The following RNFT2 variants were observed in gnomAD, a reference collection of about 807,000 sequenced individuals.
The protein encoded by RNFT2 is ring finger protein, transmembrane 2.
RNFT2 carries 36 observed loss-of-function variants against 53.0 expected under a neutral mutation model. The ratio of observed to expected loss-of-function variants is 0.68; its 90% confidence interval spans 0.52 to 0.90. The LOEUF (loss-of-function observed/expected upper bound fraction) is 0.90, where lower values mean the gene tolerates loss of function less well. Ranked by LOEUF, RNFT2 falls within the 40% of genes least tolerant of loss-of-function variation. RNFT2 has a pLI of 0.00. For missense variants in RNFT2, 514 were observed against 585.6 expected, an observed-to-expected ratio of 0.88 and a Z score of 1.26; for synonymous variants, 260 against 253.2, an observed-to-expected ratio of 1.03 and a Z score of -0.26.
At chr12:116,814,416 G>A (rs1875537164) in intron 7 of RNFT2, among the ~76,000 whole-genome samples, 1 of 152,144 alleles carries the variant, frequency 6.6e-6, no homozygotes, top group African/African-American at 2.4e-5. Flanking sequence ...TTAGACAGTG[G>A]TGGGGGGTAG....
intron 7 of RNFT2, among the ~76,000 whole-genome samples, chr12:116,805,223 G>A (rs934519705): frequency 6.7e-6 from 1 of 150,104 alleles, no homozygotes; most frequent in African/African-American, 2.5e-5. Flanking sequence ...ACTTCTTGAT[G>A]TTTGATTTTT....
At chr12:116,808,049 C>T (rs140638341) in intron 7 of RNFT2, among the ~76,000 whole-genome samples, 5,293 of 152,010 alleles carry the variant, frequency 0.035, 325 homozygotes, top group African/African-American at 0.12. Flanking sequence ...CTACAACCTC[C>T]GCCTCCCAGG....
intron 7 of RNFT2, among the ~76,000 whole-genome samples, chr12:116,788,815 G>A (rs1275513240): frequency 1.1e-5 from 1 of 91,818 alleles, no homozygotes; most frequent in African/African-American, 3.1e-5. Flanking sequence ...AAGTTTGGTG[G>A]ATGGATGGAT....
chr12:116,749,618 G>C (rs778626639), intron 3 of RNFT2, among the ~76,000 whole-genome samples: 1 of 151,958 alleles, frequency 6.6e-6, no homozygotes, highest in Admixed American at 6.6e-5. Flanking sequence ...CACTGGATTG[G>C]GACCCACTCC....
intron 5 of RNFT2, among the ~76,000 whole-genome samples, chr12:116,762,886 A>G (rs1384954398): frequency 2.0e-5 from 3 of 152,248 alleles, no homozygotes; most frequent in African/African-American, 7.2e-5. Context: ...TGCTGGGATT[A>G]CAGGCGTGAG....
At position 116,849,561 on chromosome 12, in the gene RNFT2, C is replaced by T. The variant is rs930688978; in HGVS notation, c.*113C>T. ...AAGCACTTACATCCTGCCTCTTGCC[C>T]TCCACCACCTCTGACCCCAAAGTCC... On this transcript the variant is annotated 3_prime_UTR_variant, in exon 11 of 11. Coordinates refer to ENST00000257575, the MANE Select transcript of RNFT2 (RefSeq NM_001382266.1). 7.0e-7 allele frequency: 1 copy of T among 1,438,082 alleles called. No homozygotes were observed. The highest frequency in any genetic ancestry group is 9.1e-7 in the Non-Finnish European group (1 of 1,093,010). The allele number at this position is 1,438,082 out of a possible 1,614,324, so 89.1% of individuals were successfully genotyped here.
intron 6 of RNFT2, among the ~76,000 whole-genome samples, chr12:116,775,518 CA>C (rs1873396523): frequency 6.6e-6 from 1 of 152,186 alleles, no homozygotes; most frequent in African/African-American, 2.4e-5. Context: ...TGACCAACAT[CA>C]GAGCCTTAAT....
At chr12:116,798,942 T>C (rs1874637940) in intron 7 of RNFT2, among the ~76,000 whole-genome samples, 1 of 152,196 alleles carries the variant, frequency 6.6e-6, no homozygotes, top group African/African-American at 2.4e-5. Context: ...CTTAGTGGCT[T>C]AGAAAACACT....
At chr12:116,802,666 G>A (rs1011815135) in intron 7 of RNFT2, among the ~76,000 whole-genome samples, 2 of 152,194 alleles carry the variant, frequency 1.3e-5, no homozygotes, top group African/African-American at 4.8e-5. Context: ...AGGGAATGTG[G>A]CCCAGCCAAC....
At chr12:116,798,406 G>A (rs959944413) in intron 7 of RNFT2, among the ~76,000 whole-genome samples, 7 of 152,130 alleles carry the variant, frequency 4.6e-5, no homozygotes, top group African/African-American at 1.7e-4. Flanking sequence ...GTGGTTAAAT[G>A]CATGGACCCT....
chr12:116,745,385 G>C (rs1392270649), intron 3 of RNFT2, among the ~76,000 whole-genome samples: 2 of 152,086 alleles, frequency 1.3e-5, no homozygotes, highest in Admixed American at 6.6e-5. Context: ...ATATTGGCCA[G>C]GCTGGTCTCA....
intron 7 of RNFT2, among the ~76,000 whole-genome samples, chr12:116,831,509 T>C (rs1876645970): frequency 6.6e-6 from 1 of 152,044 alleles, no homozygotes; most frequent in African/African-American, 2.4e-5. Context: ...AATCAGACCC[T>C]CTTTTTTGTA....
chr12:116,851,568 C>T lies in RNFT2; in HGVS notation c.*2120C>T. The T allele has an allele frequency of 5.2e-6, 3 of 582,448 alleles. No homozygotes were observed. The highest frequency in any genetic ancestry group is 9.1e-6 in the Non-Finnish European group (3 of 328,344). 36.1% of individuals were successfully genotyped at this position (582,448 alleles called of 1,614,324 possible). ...AGCCTGGCCAACATGGCAAAACCCC[C>T]TCTTTACTAAAAAATACAAAAATTA... On this transcript the variant is annotated 3_prime_UTR_variant, in exon 11 of 11. Coordinates refer to ENST00000257575, the MANE Select transcript of RNFT2 (RefSeq NM_001382266.1).
intron 7 of RNFT2, among the ~76,000 whole-genome samples, chr12:116,786,150 T>G (rs1873925901): frequency 6.6e-6 from 1 of 151,392 alleles, no homozygotes; most frequent in Non-Finnish European, 1.5e-5. Flanking sequence ...AGACAGAGTT[T>G]CACTTTTGTC....
At chr12:116,845,259 AT>A (rs1410406843) in intron 10 of RNFT2, among the ~76,000 whole-genome samples, 1,712 of 104,274 alleles carry the variant, frequency 0.016, 16 homozygotes, top group Non-Finnish European at 0.021. Flanking sequence ...AAAAAAAAAA[AT>A]ATATATATAT....
At chr12:116,833,151 T>G (rs1876770036) in intron 7 of RNFT2, among the ~76,000 whole-genome samples, 1 of 152,130 alleles carries the variant, frequency 6.6e-6, no homozygotes, top group South Asian at 2.1e-4. Context: ...ACTCCTGACC[T>G]TAAGTGATCC....
chr12:116,790,151 C>G (rs1410228770), intron 7 of RNFT2, among the ~76,000 whole-genome samples: 4 of 152,228 alleles, frequency 2.6e-5, no homozygotes, highest in Non-Finnish European at 5.9e-5. Flanking sequence ...GCACTCACTT[C>G]TCTGTGCTAG....
intron 10 of RNFT2, 56 bp from the exon 11 acceptor site, chr12:116,849,258 A>T: frequency 2.8e-6 from 4 of 1,428,052 alleles, no homozygotes; most frequent in Middle Eastern, 1.8e-4. Context: ...TGCTCCCGAG[A>T]CCGAGGCAGA....
chr12:116,756,927 A>G (rs899249904), intron 5 of RNFT2, among the ~76,000 whole-genome samples: 28 of 152,318 alleles, frequency 1.8e-4, no homozygotes, highest in Admixed American at 1.7e-3. Flanking sequence ...AATGTCTGGT[A>G]GAATTCTGCT....
Sources: allele counts gnomAD v4.1 joint callset (sites outside exome capture counted in the v4.1 genomes callset), GRCh38; gene constraint gnomAD v4.1.1; transcripts MANE v1.5; gene names NCBI Gene and HGNC (gene_info 2026-07-23, HGNC 2026-07-21).